Variants in DGKH observed in about 807,000 individuals in gnomAD.
DGKH encodes the protein DAG kinase eta.
A neutral mutation model predicts 159.3 loss-of-function variants in DGKH; 90 were observed. The observed-to-expected ratio is 0.57, with a 90% confidence interval of 0.48 to 0.67. DGKH has a LOEUF of 0.67. DGKH is among the 30% of genes least tolerant of loss of function. DGKH has a pLI of 0.00. For synonymous variants in DGKH, 536 were observed against 553.8 expected (o/e 0.97, Z 0.45); for missense variants, 1,181 against 1,506.1 (o/e 0.78, Z 3.57).
intron 1 of DGKH, among the ~76,000 whole-genome samples, chr13:42,121,909 G>C (rs1218246161): frequency 6.6e-6 from 1 of 152,186 alleles, no homozygotes; most frequent in South Asian, 2.1e-4. Context: ...CTCCGCCGTG[G>C]AGTCTCTCCC....
intron 16 of DGKH, 66 bp from the exon 17 acceptor site, chr13:42,194,819 A>C: frequency 2.6e-6 from 4 of 1,512,754 alleles, no homozygotes; most frequent in South Asian, 1.3e-5. Flanking sequence ...TTTTAAATTT[A>C]TAGGAACGTG....
At chr13:42,247,822 T>C (rs879378405), downstream of DGKH, among the ~76,000 whole-genome samples, 146 of 138,364 alleles carry the variant, frequency 1.1e-3, 1 homozygote, top group Non-Finnish European at 1.0e-3. Context: ...ACAATTTTAA[T>C]AGAAAAATGC....
Position 42,189,112 on chromosome 13 carries a change from C to T in DGKH, c.1715C>T (p.Pro572Leu). Residue 572 changes from proline (P) to leucine (L), a missense_variant, in exon 15 of 30, where the codon CCT becomes CTT. By Grantham distance (98) the Pro-to-Leu change is moderately conservative. Around this residue, in one of 5 missense-constraint regions of DGKH, gnomAD observed 257 missense variants for 281.5 expected, o/e 0.91. Transcript: ENST00000337343. ...HTDSQAAPVL[P>L]GLSPLIVEED... is the part of the protein sequence containing the mutation. ...GATTCCCAGGCTGCGCCTGTTCTCC[C>T]TGGCCTCAGCCCTCTCATTGTGGAA... 1 of 1,614,256 alleles carries T rather than the reference C, an allele frequency of 6.2e-7. No homozygotes were observed. Among genetic ancestry groups the T allele is most frequent in the South Asian group, 1.1e-5 (1 of 91,088 alleles).
At chr13:42,040,100 G>C (rs9594663) in exon 1 of DGKH, 1 of 152,260 alleles carries the variant, frequency 6.6e-6, no homozygotes, top group East Asian at 1.9e-4. Flanking sequence ...GCTGGAGTGC[G>C]GCTGAGTTTT....
At position 42,206,027 on chromosome 13, in the gene DGKH, T is replaced by G. The variant is rs1008130751; in HGVS notation, c.2494-12T>G. 2 of 1,335,794 alleles carry G rather than the reference T, an allele frequency of 1.5e-6. No individual in the cohort carries two copies. The highest frequency in any genetic ancestry group is 1.9e-6 in the Non-Finnish European group (2 of 1,032,322). The allele number at this position is 1,335,794 out of a possible 1,614,324, so 82.7% of individuals were successfully genotyped here. ...CTAATCTCTACTTTTTTTTTTTTTT[T>G]TTACCTTACAGTGTGATGGGCAGTA... On this transcript the variant is annotated splice_polypyrimidine_tract_variant and intron_variant, in intron 20 of 29. Coordinates refer to ENST00000337343, the MANE Select transcript of DGKH (RefSeq NM_178009.5).
At position 42,240,928 on chromosome 13, in the gene DGKH, A is replaced by G. The variant is rs1181647544; in HGVS notation, c.*11740A>G. On this transcript the variant is annotated 3_prime_UTR_variant, in exon 30 of 30. Transcript: ENST00000337343. Reference sequence around the variant, plus strand: ...GGTCAGGAGCTCGAGACAAGTCAACATGGTGAAACCTCATCTCTGCTAAAA... The same window carrying G: ...GGTCAGGAGCTCGAGACAAGTCAACGTGGTGAAACCTCATCTCTGCTAAAA... 1 of 152,170 alleles carries G rather than the reference A, an allele frequency of 6.6e-6. No homozygotes were observed. Among genetic ancestry groups the G allele is most frequent in the Non-Finnish European group, 1.5e-5 (1 of 68,052 alleles). The allele number at this position is 152,170 out of a possible 1,614,324, so 9.4% of individuals were successfully genotyped here.
chr13:42,095,191 C>T (rs372617562), intron 1 of DGKH, among the ~76,000 whole-genome samples: 49 of 91,318 alleles, frequency 5.4e-4, no homozygotes, highest in Admixed American at 5.2e-3. Flanking sequence ...GAGACAGAGT[C>T]TCCCTCTGTT....
At chr13:42,212,113 G>A (rs1319591550) in intron 24 of DGKH, among the ~76,000 whole-genome samples, 2 of 152,118 alleles carry the variant, frequency 1.3e-5, no homozygotes, top group Admixed American at 1.3e-4. Flanking sequence ...AAAAAGAAAA[G>A]AAGGAAAGCA....
chr13:42,195,518 A>C (rs1210627362), intron 17 of DGKH, among the ~76,000 whole-genome samples: 1 of 152,026 alleles, frequency 6.6e-6, no homozygotes, highest in Non-Finnish European at 1.5e-5. Flanking sequence ...CAAACAAACA[A>C]ACACATGTTT....
rs982038880 is a variant in DGKH, at chr13:42,138,054, C to A, written c.384+8422C>A. On this transcript the variant is annotated intron_variant, in intron 3 of 29. Transcript: ENST00000337343. ...AATAGCTCTTCCCATTATTAGAAAT[C>A]TTTAGTCATCTCATTCCCTGTGAGC... is the stretch of plus-strand genomic sequence containing the variant. The A allele has an allele frequency of 1.3e-5, 13 of 984,574 alleles. No homozygotes were observed. The South Asian group carries it at 6.1e-4, about 46-fold the overall frequency. The allele number at this position is 984,574 out of a possible 1,614,324, so 61.0% of individuals were successfully genotyped here.
intron 1 of DGKH, among the ~76,000 whole-genome samples, chr13:42,099,719 A>G (rs1046111375): frequency 1.3e-5 from 2 of 152,240 alleles, no homozygotes; most frequent in Non-Finnish European, 1.5e-5. Context: ...CATGAAAAGC[A>G]TAAGTATGAT....
At chr13:42,182,769 C>T (rs9533026) in intron 13 of DGKH, among the ~76,000 whole-genome samples, 18,789 of 151,966 alleles carry the variant, frequency 0.12, 1,500 homozygotes, top group South Asian at 0.17. Context: ...TGTGCATGTG[C>T]GCACATATAA....
At chr13:42,196,288 T>G (rs1363149783) in intron 17 of DGKH, among the ~76,000 whole-genome samples, 3 of 152,158 alleles carry the variant, frequency 2.0e-5, no homozygotes, top group Non-Finnish European at 4.4e-5. Flanking sequence ...ACCCAGCAAT[T>G]TTACTACTAG....
chr13:42,128,456 T>C (rs1399723003), intron 2 of DGKH, among the ~76,000 whole-genome samples: 1 of 152,170 alleles, frequency 6.6e-6, no homozygotes, highest in Non-Finnish European at 1.5e-5. Context: ...ATGTTCAAAA[T>C]TGTCCCTGAT....
chr13:42,184,767 T>C (rs1007956574), intron 13 of DGKH, among the ~76,000 whole-genome samples: 3 of 151,920 alleles, frequency 2.0e-5, no homozygotes, highest in South Asian at 4.2e-4. Context: ...CTCAGGAGGC[T>C]AAGCTGGGAG....
chr13:42,245,300 A>C (rs759432727), downstream of DGKH, among the ~76,000 whole-genome samples: 1 of 152,214 alleles, frequency 6.6e-6, no homozygotes, highest in Non-Finnish European at 1.5e-5. Context: ...GAACTCCATG[A>C]GGGAAAGGAT....
intron 3 of DGKH, among the ~76,000 whole-genome samples, chr13:42,133,419 C>T (rs1251715806): frequency 1.3e-5 from 2 of 152,102 alleles, no homozygotes; most frequent in African/African-American, 4.8e-5. Context: ...ACTGGTTGGG[C>T]ACAGTGGCTC....
intron 1 of DGKH, among the ~76,000 whole-genome samples, chr13:42,119,424 T>C (rs1020306824): frequency 6.6e-6 from 1 of 152,240 alleles, no homozygotes; most frequent in Non-Finnish European, 1.5e-5. Flanking sequence ...ATGGTGTTAC[T>C]GGTCATCTGC....
At chr13:42,127,314 G>T (rs573027966) in intron 1 of DGKH, 149 bp from the exon 2 acceptor site, 1 of 641,988 alleles carries the variant, frequency 1.6e-6, no homozygotes, top group African/African-American at 1.8e-5. Flanking sequence ...CATATGCAAA[G>T]CTGTGGTGAG....
Sources: allele counts gnomAD v4.1 joint callset (sites outside exome capture counted in the v4.1 genomes callset), GRCh38; gene constraint gnomAD v4.1.1; regional missense constraint gnomAD v4.1.1; transcripts MANE v1.5; gene names NCBI Gene and HGNC (gene_info 2026-07-23, HGNC 2026-07-21).